The following EHMT1 variants were observed in gnomAD, a reference collection of about 807,000 sequenced individuals.
The protein encoded by EHMT1 is histone-lysine N-methyltransferase EHMT1.
EHMT1 carries 15 observed loss-of-function variants against 147.2 expected under a neutral mutation model. That is an observed-to-expected ratio of 0.10 (90% confidence interval 0.07 to 0.16). The LOEUF (loss-of-function observed/expected upper bound fraction) is 0.16. Ranked by LOEUF, EHMT1 falls within the 10% of genes least tolerant of loss-of-function variation. The pLI, the probability that EHMT1 is intolerant of heterozygous loss-of-function variation, is 1.00. For missense variants in EHMT1, 1,587 were observed against 1,772.4 expected (o/e 0.90, Z 1.88); for synonymous variants, 795 against 709.6 (o/e 1.12, Z -1.91).
intron 1 of EHMT1, 44 bp from the exon 2 acceptor site, chr9:137,710,923 C>T (rs1231750246): frequency 1.3e-6 from 2 of 1,563,864 alleles, no homozygotes. Context: ...GGAAAAGCGG[C>T]CTCCCACTGA....
intron 1 of EHMT1, chr9:137,685,220 C>G (rs1942325122): frequency 6.6e-6 from 1 of 152,136 alleles, no homozygotes. Flanking sequence ...TTTCATCACC[C>G]CAAGCAGAAA....
intron 10 of EHMT1, chr9:137,763,204 GC>G: frequency 4.8e-6 from 2 of 419,190 alleles, no homozygotes; most frequent in Non-Finnish European, 8.8e-6. Context: ...TGCAGGGCAG[GC>G]CCCGCAAGGG....
At chr9:137,666,399 T>C (rs937001948) in intron 1 of EHMT1, among the ~76,000 whole-genome samples, 2 of 152,254 alleles carry the variant, frequency 1.3e-5, no homozygotes, top group African/African-American at 2.4e-5. Context: ...GCTTGAACTT[T>C]TTTGCTGACT....
At chr9:137,667,745 T>C (rs1183868741) in intron 1 of EHMT1, among the ~76,000 whole-genome samples, 1 of 152,200 alleles carries the variant, frequency 6.6e-6, no homozygotes. Context: ...AAGGAAATTG[T>C]CTACAGTGAA....
intron 4 of EHMT1, among the ~76,000 whole-genome samples, chr9:137,733,613 C>T (rs562409849): frequency 3.8e-4 from 58 of 152,276 alleles, no homozygotes; most frequent in Non-Finnish European, 6.9e-4. Flanking sequence ...GAACAGTGTG[C>T]GTGCAGCTTG....
Position 137,790,994 on chromosome 9 carries a change from C to T in EHMT1, c.2505+24C>T, listed in dbSNP as rs150247219. ...AGGTATGTTCCCCTGTCAGAATCAA[C>T]GTCCTAGTGTGTGTGTAGACGTTTC... On this transcript the variant is annotated intron_variant, in intron 16 of 26. Transcript: ENST00000460843. The T allele has an allele frequency of 1.5e-4, 241 of 1,614,188 alleles. 1 individual carries two copies. In the East Asian group the frequency reaches 4.2e-3, roughly 28 times the overall value.
intron 3 of EHMT1, 126 bp from the exon 4 acceptor site, chr9:137,728,223 C>A: frequency 7.3e-7 from 1 of 1,369,114 alleles, no homozygotes; most frequent in Non-Finnish European, 1.0e-6. Flanking sequence ...TTTCTCCTCT[C>A]TCCATTGTAT....
In EHMT1 at chr9:137,778,008, A is replaced by T. The variant is rs777279031; in HGVS notation, c.2145A>T (p.Pro715=). 7 of 1,613,890 alleles carry T rather than the reference A, an allele frequency of 4.3e-6. No individual in the cohort carries two copies. The highest frequency in any genetic ancestry group is 5.9e-6 in the Non-Finnish European group (7 of 1,180,016). The stretch of plus-strand genomic sequence containing the variant: ...CAACTCCCGGCCTTTCCCAGGGACC[A>T]GGGAAGGAAACCTTGGAGAGCGCTC... ...GRPTPGLSQG[P]GKETLESALI... The change falls in exon 13 of 27, where the codon CCA becomes CCT. Residue 715 remains proline, a synonymous_variant. Coordinates refer to ENST00000460843, the MANE Select transcript of EHMT1 (RefSeq NM_024757.5).
At chr9:137,737,950 T>C (rs1947689951) in intron 4 of EHMT1, among the ~76,000 whole-genome samples, 1 of 152,172 alleles carries the variant, frequency 6.6e-6, no homozygotes, top group Admixed American at 6.5e-5. Flanking sequence ...TCTCAGCACT[T>C]TGGGAGGCCG....
chr9:137,725,934 A>G (rs1457513502), intron 3 of EHMT1, among the ~76,000 whole-genome samples: 1 of 151,714 alleles, frequency 6.6e-6, no homozygotes, highest in Non-Finnish European at 1.5e-5. Context: ...TCCCTGCCTC[A>G]CCTGTAACCT....
chr9:137,737,829 A>T (rs1195408650), intron 4 of EHMT1, among the ~76,000 whole-genome samples: 1 of 152,198 alleles, frequency 6.6e-6, no homozygotes, highest in Non-Finnish European at 1.5e-5. Flanking sequence ...CCTATGTCTG[A>T]TGAGGAATTA....
Position 137,782,296 on chromosome 9 carries a change from G to A in EHMT1, c.2281G>A (p.Gly761Arg), listed in dbSNP as rs775617869. Residue 761 changes from glycine (G) to arginine (R), a missense_variant, in exon 15 of 27, where the codon GGA becomes AGA. Physicochemically the swap from Gly to Arg is moderately radical, Grantham distance 125. Transcript: ENST00000460843. The surrounding 1 kb of genome is among the most constrained non-coding windows in gnomAD (Gnocchi z 5.7). ...LQKVLLMLVDGIDPNFKMEHQ... is the reference protein window; with the variant it reads ...LQKVLLMLVDRIDPNFKMEHQ... ...AAAACTGTGTTTGTTCACAGTGGAC[G>A]GAATTGACCCCAACTTCAAAATGGA... 6.2e-7 allele frequency: 1 copy of A among 1,613,416 alleles called. No homozygotes were observed. Among genetic ancestry groups the A allele is most frequent in the Non-Finnish European group, 8.5e-7 (1 of 1,179,756 alleles).
At chr9:137,827,428 G>T (rs1347869903) in intron 25 of EHMT1, among the ~76,000 whole-genome samples, 3 of 152,186 alleles carry the variant, frequency 2.0e-5, no homozygotes, top group Non-Finnish European at 4.4e-5. Context: ...GTCTGCTACA[G>T]CTCTGACCCA....
intron 19 of EHMT1, 132 bp downstream of exon 19, chr9:137,811,747 T>A: frequency 8.1e-7 from 1 of 1,238,770 alleles, no homozygotes; most frequent in Non-Finnish European, 1.1e-6. Flanking sequence ...CGTGTGGAAG[T>A]CCATCCTTGG....
chr9:137,718,381 G>C (rs557182079), intron 3 of EHMT1, among the ~76,000 whole-genome samples: 1 of 152,248 alleles, frequency 6.6e-6, no homozygotes, highest in African/African-American at 2.4e-5. Context: ...TCACATTCCC[G>C]TGGAATTTTC....
chr9:137,676,410 G>A (rs1201470745), intron 1 of EHMT1: 1 of 152,620 alleles, frequency 6.6e-6, no homozygotes, highest in African/African-American at 2.4e-5. Context: ...CTGTTGCCCA[G>A]GCTGGAGTGC....
At chr9:137,636,301 A>T (rs1205034617) in intron 1 of EHMT1, among the ~76,000 whole-genome samples, 1 of 151,974 alleles carries the variant, frequency 6.6e-6, no homozygotes, top group Non-Finnish European at 1.5e-5. Flanking sequence ...ACTTTGCTGA[A>T]TTTTTTTTGG....
chr9:137,712,934 A>ATT, intron 2 of EHMT1, among the ~76,000 whole-genome samples: 1 of 152,224 alleles, frequency 6.6e-6, no homozygotes, highest in South Asian at 2.1e-4. Context: ...TTTTCGATCA[A>ATT]TTTTGAGTTA....
intron 15 of EHMT1, chr9:137,784,279 C>A: frequency 2.0e-6 from 3 of 1,474,422 alleles, no homozygotes; most frequent in Non-Finnish European, 2.7e-6. Flanking sequence ...GGGGCTGACT[C>A]CGCCTTTCAG....
Sources: allele counts gnomAD v4.1 joint callset (sites outside exome capture counted in the v4.1 genomes callset), GRCh38; gene constraint gnomAD v4.1.1; non-coding constraint Gnocchi (gnomAD v3.1); transcripts MANE v1.5; gene names NCBI Gene and HGNC (gene_info 2026-07-23, HGNC 2026-07-21).